The following GRIK4 variants were observed in gnomAD, a reference collection of about 807,000 sequenced individuals.
GRIK4 encodes the protein glutamate ionotropic receptor kainate type subunit 4.
A neutral mutation model predicts 104.9 loss-of-function variants in GRIK4; 40 were observed. That is an observed-to-expected ratio of 0.38 (90% confidence interval 0.30 to 0.50). The LOEUF (loss-of-function observed/expected upper bound fraction) is 0.50. Among genes scored for constraint, GRIK4 ranks in the 20% least tolerant of loss-of-function variants. GRIK4 has a pLI of 0.93. For missense variants in GRIK4, 1,047 were observed against 1,308.1 expected, an observed-to-expected ratio of 0.80 and a Z score of 3.08; for synonymous variants, 485 against 524.9, an observed-to-expected ratio of 0.92 and a Z score of 1.04.
intron 3 of GRIK4, among the ~76,000 whole-genome samples, chr11:120,734,040 G>T (rs1441755803): frequency 6.6e-6 from 1 of 152,080 alleles, no homozygotes; most frequent in Admixed American, 6.6e-5. Context: ...CTGGCCCATT[G>T]TTTAGTCTTT....
chr11:120,754,041 T>C (rs1951609147), intron 3 of GRIK4, among the ~76,000 whole-genome samples: 1 of 151,938 alleles, frequency 6.6e-6, no homozygotes, highest in Non-Finnish European at 1.5e-5. Context: ...GACATTTCTC[T>C]TTTTTTTGGA....
chr11:120,514,745 C>G (rs1947704376), intron 1 of GRIK4, among the ~76,000 whole-genome samples: 1 of 152,150 alleles, frequency 6.6e-6, no homozygotes, highest in South Asian at 2.1e-4. Flanking sequence ...GCTGGGTTCC[C>G]CCAGGCATGC....
At chr11:120,678,782 T>A (rs1248831498) in intron 3 of GRIK4, among the ~76,000 whole-genome samples, 2 of 151,944 alleles carry the variant, frequency 1.3e-5, no homozygotes, top group African/African-American at 4.8e-5. Flanking sequence ...TACAGGTACG[T>A]GCCACCACAC....
chr11:120,828,757 C>T (rs1441567499), intron 6 of GRIK4, among the ~76,000 whole-genome samples: 8 of 152,146 alleles, frequency 5.3e-5, no homozygotes, highest in Admixed American at 2.0e-4. Flanking sequence ...GTCCCCGCCC[C>T]GCGTCTCAGC....
At chr11:120,621,291 G>A (rs61900926) in intron 1 of GRIK4, among the ~76,000 whole-genome samples, 33,305 of 152,154 alleles carry the variant, frequency 0.22, 4,724 homozygotes, top group Non-Finnish European at 0.31. Context: ...AATCAGCTGA[G>A]TGTTTGAAGG....
intron 3 of GRIK4, among the ~76,000 whole-genome samples, chr11:120,786,505 C>T (rs1158226199): frequency 6.6e-6 from 1 of 152,214 alleles, no homozygotes; most frequent in Non-Finnish European, 1.5e-5. Context: ...GTCCCAATAG[C>T]ACCTTCACTC....
At chr11:120,682,021 G>A (rs1217897700) in intron 3 of GRIK4, among the ~76,000 whole-genome samples, 2 of 152,228 alleles carry the variant, frequency 1.3e-5, no homozygotes, top group African/African-American at 4.8e-5. Context: ...TAAAACTGCT[G>A]TTAAGGATGA....
chr11:120,932,847 C>T (rs963523759), intron 13 of GRIK4, among the ~76,000 whole-genome samples: 1 of 151,680 alleles, frequency 6.6e-6, no homozygotes, highest in African/African-American at 2.4e-5. Flanking sequence ...GGGCAGCTGG[C>T]CTCCTCAAGG....
chr11:120,846,384 G>A (rs1261934900), intron 8 of GRIK4, among the ~76,000 whole-genome samples: 3 of 152,230 alleles, frequency 2.0e-5, no homozygotes, highest in South Asian at 2.1e-4. Flanking sequence ...AGAGGTCTGC[G>A]TCTATTAATG....
chr11:120,786,968 T>C (rs943726439), intron 3 of GRIK4, among the ~76,000 whole-genome samples: 3 of 152,178 alleles, frequency 2.0e-5, no homozygotes, highest in Non-Finnish European at 4.4e-5. Flanking sequence ...GAAGTTCTGG[T>C]ATGAAAACAA....
At chr11:120,824,212 A>G (rs1377966360) in intron 6 of GRIK4, among the ~76,000 whole-genome samples, 2 of 152,236 alleles carry the variant, frequency 1.3e-5, no homozygotes, top group African/African-American at 4.8e-5. Context: ...GAGAGATTGT[A>G]TATTACATTA....
At chr11:120,514,248 G>C (rs1947696558) in intron 1 of GRIK4, among the ~76,000 whole-genome samples, 1 of 152,190 alleles carries the variant, frequency 6.6e-6, no homozygotes, top group South Asian at 2.1e-4. Flanking sequence ...AATCCCTTAT[G>C]TGTGTATGGG....
intron 9 of GRIK4, among the ~76,000 whole-genome samples, chr11:120,866,429 T>C (rs1317673058): frequency 6.6e-6 from 1 of 152,214 alleles, no homozygotes; most frequent in Non-Finnish European, 1.5e-5. Flanking sequence ...GGTCCCGTGC[T>C]GACTTGCTCA....
intron 8 of GRIK4, among the ~76,000 whole-genome samples, chr11:120,855,790 T>A (rs1334214427): frequency 6.6e-6 from 1 of 152,272 alleles, no homozygotes; most frequent in African/African-American, 2.4e-5. Flanking sequence ...CCCGGACTCC[T>A]GACTCCAGGT....
At chr11:120,843,033 C>T (rs748496635) in intron 8 of GRIK4, among the ~76,000 whole-genome samples, 4 of 152,270 alleles carry the variant, frequency 2.6e-5, no homozygotes, top group Non-Finnish European at 5.9e-5. Context: ...GGGCCCTGTG[C>T]CTATGGCAGG....
chr11:120,981,940 A>G (rs553415109), intron 19 of GRIK4, among the ~76,000 whole-genome samples, 166 bp from the exon 20 acceptor site: 1 of 152,178 alleles, frequency 6.6e-6, no homozygotes, highest in Non-Finnish European at 1.5e-5. Context: ...AAATAATTAA[A>G]TATCTTCAAG....
chr11:120,617,941 T>C (rs1433808477), intron 1 of GRIK4, among the ~76,000 whole-genome samples: 1 of 152,208 alleles, frequency 6.6e-6, no homozygotes, highest in Middle Eastern at 3.2e-3. Flanking sequence ...AGTGGGGTAT[T>C]GCTATAAAGA....
chr11:120,946,501 C>A (rs944724255), intron 14 of GRIK4, among the ~76,000 whole-genome samples: 2 of 152,144 alleles, frequency 1.3e-5, no homozygotes, highest in Non-Finnish European at 2.9e-5. Flanking sequence ...CAGAGCAACA[C>A]CCCATCTCTT....
At chr11:120,629,840 C>T (rs538028346) in intron 1 of GRIK4, among the ~76,000 whole-genome samples, 2 of 152,296 alleles carry the variant, frequency 1.3e-5, no homozygotes, top group South Asian at 4.1e-4. Context: ...CATCTGCCCA[C>T]CCCCTCGGGA....
Sources: gnomAD v4.1 joint callset for allele counts (sites outside exome capture counted in the v4.1 genomes callset) on GRCh38, gnomAD v4.1.1 for gene constraint, MANE v1.5 for transcripts, NCBI Gene and HGNC (gene_info 2026-07-23, HGNC 2026-07-21) for gene names.